The following PCDHA3 variants were observed in gnomAD, a reference collection of about 807,000 sequenced individuals.
PCDHA3 encodes the protein protocadherin alpha-3.
In PCDHA3, 41 loss-of-function variants were observed where a neutral mutation model predicts 62.2. That is an observed-to-expected ratio of 0.66 (90% CI 0.51 to 0.86). PCDHA3 has a LOEUF of 0.86. Among genes scored for constraint, PCDHA3 ranks in the 40% least tolerant of loss-of-function variants. PCDHA3 has a pLI of 0.00. For synonymous variants in PCDHA3, 640 were observed against 555.4 expected, an observed-to-expected ratio of 1.15 and a Z score of -2.14; for missense variants, 1,304 against 1,241.2, an observed-to-expected ratio of 1.05 and a Z score of -0.76.
Position 140,915,075 on chromosome 5 carries a change from A to T in PCDHA3, c.2395-63874A>T, listed in dbSNP as rs111889109. ...ATTCTCCTGCCTTAGCCTACTGAGTAGCTGGGACTATGGGCACGCACCACC... is the reference window on the plus strand; with the variant it reads ...ATTCTCCTGCCTTAGCCTACTGAGTTGCTGGGACTATGGGCACGCACCACC... On this transcript the variant is annotated intron_variant, in intron 1 of 3. Transcript: ENST00000522353. 7.1e-3 allele frequency among the ~76,000 whole-genome samples: 1,070 copies of T among 151,432 alleles called. 10 individuals are homozygous for T. The highest frequency in any genetic ancestry group is 0.025 in the African/African-American group (1,035 of 41,220).
chr5:141,008,438 A>G (rs1214725080), intron 3 of PCDHA3, among the ~76,000 whole-genome samples: 1 of 152,204 alleles, frequency 6.6e-6, no homozygotes, highest in Admixed American at 6.5e-5. Flanking sequence ...TTGCCCAGAC[A>G]GACCATTACC....
chr5:140,836,405 G>C, intron 1 of PCDHA3: 1 of 1,613,802 alleles, frequency 6.2e-7, no homozygotes, highest in East Asian at 2.2e-5. Context: ...AAAGCGGCCA[G>C]GCACCAAAGG....
chr5:140,890,045 T>C (rs1192229071), intron 1 of PCDHA3, among the ~76,000 whole-genome samples: 1 of 152,206 alleles, frequency 6.6e-6, no homozygotes, highest in African/African-American at 2.4e-5. Context: ...TGTAGTGTGT[T>C]GGAGCTGGCT....
intron 1 of PCDHA3, chr5:140,823,073 C>T: frequency 6.2e-7 from 1 of 1,614,010 alleles, no homozygotes; most frequent in African/African-American, 1.3e-5. Context: ...GGCTCGCCTT[C>T]GCTGTGGGCC....
At chr5:140,928,656 T>C in intron 1 of PCDHA3, 1 of 1,614,232 alleles carries the variant, frequency 6.2e-7, no homozygotes, top group Middle Eastern at 1.6e-4. Flanking sequence ...CAGAGGATGC[T>C]GACAGTGGTT....
intron 1 of PCDHA3, chr5:140,968,812 T>C (rs782711806): frequency 6.2e-7 from 1 of 1,614,064 alleles, no homozygotes; most frequent in Non-Finnish European, 8.5e-7. Context: ...CTGTGGTGGA[T>C]AGGGTTTCCA....
At position 141,011,003 on chromosome 5, in the gene PCDHA3, C is replaced by G. The variant is rs748731648; in HGVS notation, c.*1066C>G. 2.0e-5 allele frequency: 3 copies of G among 153,824 alleles called. No homozygotes were observed. In the South Asian group the frequency reaches 6.2e-4, roughly 32 times the overall value. 9.5% of individuals were successfully genotyped at this position (153,824 alleles called of 1,614,324 possible). On this transcript the variant is annotated 3_prime_UTR_variant, in exon 4 of 4. Coordinates refer to ENST00000522353, the MANE Select transcript of PCDHA3 (RefSeq NM_018906.3). ...ATTGCCTGAAACATCTGTATTATAT[C>G]GGCCACCTGCCAATCACAGCTTTAC...
At chr5:141,002,557 CAGTT>C (rs2098085452) in intron 3 of PCDHA3, among the ~76,000 whole-genome samples, 1 of 152,180 alleles carries the variant, frequency 6.6e-6, no homozygotes, top group South Asian at 2.1e-4. Flanking sequence ...CAGGATCCAC[CAGTT>C]AGTGACCATG....
chr5:140,958,137 A>G (rs1237826000), intron 1 of PCDHA3, among the ~76,000 whole-genome samples: 2 of 152,112 alleles, frequency 1.3e-5, no homozygotes, highest in Admixed American at 6.6e-5. Flanking sequence ...ATCAGTGTGT[A>G]TATTTATATA....
At chr5:140,992,318 C>G (rs2097504992) in intron 3 of PCDHA3, among the ~76,000 whole-genome samples, 1 of 152,128 alleles carries the variant, frequency 6.6e-6, no homozygotes, top group African/African-American at 2.4e-5. Flanking sequence ...TGGGCATTCC[C>G]TTTTCTAAGA....
chr5:140,822,575 A>G (rs2150117387), intron 1 of PCDHA3: 13 of 1,610,462 alleles, frequency 8.1e-6, no homozygotes, highest in Non-Finnish European at 1.1e-5. Context: ...AACGCCTCAG[A>G]TGCAGATGAG....
rs1554122899 is a variant in PCDHA3, at chr5:140,803,605, A to T, written c.2394+14A>T. On this transcript the variant is annotated intron_variant, in intron 1 of 3. Transcript: ENST00000522353. The stretch of plus-strand genomic sequence containing the variant: ...CTCTCAGCCAAAGTGAGTAATTTTT[A>T]TTTATTCTTTCCAAAATGTCTTTGT... 6.2e-7 allele frequency: 1 copy of T among 1,613,986 alleles called. No homozygotes were observed. The highest frequency in any genetic ancestry group is 1.1e-5 in the South Asian group (1 of 91,054).
chr5:140,803,686 A>G (rs782640971), intron 1 of PCDHA3, 95 bp downstream of exon 1: 2 of 1,564,850 alleles, frequency 1.3e-6, no homozygotes, highest in Non-Finnish European at 1.7e-6. Flanking sequence ...TTAAGTATGA[A>G]TTATGTGATT....
intron 1 of PCDHA3, among the ~76,000 whole-genome samples, chr5:140,888,040 T>C (rs1338203545): frequency 6.6e-6 from 1 of 152,222 alleles, no homozygotes; most frequent in Non-Finnish European, 1.5e-5. Context: ...TTAGTACATG[T>C]ATAATAGATG....
At chr5:140,824,801 TG>T (rs1474083904) in intron 1 of PCDHA3, 15 of 151,892 alleles carry the variant, frequency 9.9e-5, no homozygotes, top group African/African-American at 3.1e-4. Flanking sequence ...TTTGCCTTTT[TG>T]TTTCTATTGA....
At chr5:141,006,689 G>C (rs1249412460) in intron 3 of PCDHA3, among the ~76,000 whole-genome samples, 3 of 152,072 alleles carry the variant, frequency 2.0e-5, no homozygotes, top group African/African-American at 7.2e-5. Flanking sequence ...TGGGAGAAGA[G>C]GACAGAGTCA....
At chr5:140,968,446 C>T in intron 1 of PCDHA3, 1 of 1,614,046 alleles carries the variant, frequency 6.2e-7, no homozygotes, top group Non-Finnish European at 8.5e-7. Context: ...CACCACTGAG[C>T]AGCACTGTGA....
chr5:140,807,007 C>T, intron 1 of PCDHA3: 5 of 765,922 alleles, frequency 6.5e-6, no homozygotes, highest in Non-Finnish European at 8.3e-6. Context: ...CTCTTTACCA[C>T]AAAATACATG....
chr5:140,848,780 G>C, intron 1 of PCDHA3: 3 of 1,593,474 alleles, frequency 1.9e-6, no homozygotes, highest in South Asian at 1.1e-5. Flanking sequence ...GCGAGGAGCT[G>C]TGCGGGCGGA....
Sources: gnomAD v4.1 joint callset for allele counts (sites outside exome capture counted in the v4.1 genomes callset) on GRCh38, gnomAD v4.1.1 for gene constraint, MANE v1.5 for transcripts, NCBI Gene and HGNC (gene_info 2026-07-23, HGNC 2026-07-21) for gene names.